Variants in DNAAF9 observed in about 807,000 individuals in gnomAD.
DNAAF9 encodes the protein shulin.
A neutral mutation model predicts 167.0 loss-of-function variants in DNAAF9; 90 were observed. The observed-to-expected ratio is 0.54, with a 90% CI of 0.45 to 0.64. DNAAF9 has a LOEUF of 0.64. DNAAF9 is among the 30% of genes least tolerant of loss of function. The probability of loss-of-function intolerance (pLI) is 0.00; values close to 1 mark genes in which losing one functional copy is unlikely to be tolerated. For missense variants in DNAAF9, 1,315 were observed against 1,442.2 expected, an observed-to-expected ratio of 0.91 and a Z score of 1.43; for synonymous variants, 491 against 508.8, an observed-to-expected ratio of 0.96 and a Z score of 0.47.
intron 6 of DNAAF9, among the ~76,000 whole-genome samples, chr20:3,368,392 T>C (rs2083458278): frequency 6.6e-6 from 1 of 152,256 alleles, no homozygotes; most frequent in East Asian, 1.9e-4. Context: ...TGTTTTTGTT[T>C]TGGGGGGCTT....
At chr20:3,303,829 C>T (rs1403239920) in intron 21 of DNAAF9, among the ~76,000 whole-genome samples, 3 of 152,256 alleles carry the variant, frequency 2.0e-5, no homozygotes, top group Non-Finnish European at 4.4e-5. Context: ...CCATAGCTAC[C>T]ATCTTCCCCT....
intron 14 of DNAAF9, 87 bp from the exon 15 acceptor site, chr20:3,322,783 G>A (rs780908913): frequency 1.1e-6 from 1 of 927,080 alleles, no homozygotes; most frequent in Non-Finnish European, 1.8e-6. Context: ...GGATTCTCAA[G>A]GCCACACAGT....
chr20:3,360,758 C>G (rs1247737234), intron 6 of DNAAF9, among the ~76,000 whole-genome samples: 4 of 152,184 alleles, frequency 2.6e-5, no homozygotes, highest in Non-Finnish European at 5.9e-5. Flanking sequence ...CAATGGATTG[C>G]AAGGATGACC....
intron 23 of DNAAF9, chr20:3,296,175 G>A (rs2069073752): frequency 1.7e-6 from 1 of 575,360 alleles, no homozygotes; most frequent in Non-Finnish European, 3.4e-6. Context: ...CCTGCTAAGC[G>A]GGAGGATAAC....
intron 30 of DNAAF9, among the ~76,000 whole-genome samples, chr20:3,268,758 T>C (rs1330179935): frequency 6.6e-6 from 1 of 152,188 alleles, no homozygotes; most frequent in Non-Finnish European, 1.5e-5. Context: ...TTTATCTGAA[T>C]TGAGCAAACA....
At chr20:3,362,676 A>C (rs1171922655) in intron 6 of DNAAF9, among the ~76,000 whole-genome samples, 2 of 152,162 alleles carry the variant, frequency 1.3e-5, no homozygotes, top group African/African-American at 4.8e-5. Flanking sequence ...TCCAAATGCA[A>C]ACCAAAAATA....
intron 29 of DNAAF9, among the ~76,000 whole-genome samples, chr20:3,274,523 C>T (rs1214986498): frequency 6.6e-6 from 1 of 152,120 alleles, no homozygotes; most frequent in Non-Finnish European, 1.5e-5. Context: ...GCCAGGTGAA[C>T]CTGAGTTTGA....
chr20:3,346,763 G>A (rs1023829687), intron 8 of DNAAF9, among the ~76,000 whole-genome samples: 2 of 152,054 alleles, frequency 1.3e-5, no homozygotes, highest in African/African-American at 4.8e-5. Context: ...AACAGGAAAC[G>A]ACAGTGACAC....
intron 20 of DNAAF9, among the ~76,000 whole-genome samples, chr20:3,313,837 T>C (rs2207995): frequency 0.25 from 37,976 of 151,912 alleles, 5,346 homozygotes; most frequent in African/African-American, 0.37. Context: ...AGCTATAAGC[T>C]CAGAGGGTGG....
intron 7 of DNAAF9, among the ~76,000 whole-genome samples, chr20:3,348,842 G>A (rs1176452286): frequency 6.6e-6 from 1 of 152,110 alleles, no homozygotes; most frequent in Non-Finnish European, 1.5e-5. Flanking sequence ...CACCTGATAT[G>A]TGGTCCAGTC....
At chr20:3,371,426 C>A (rs2083507915) in intron 6 of DNAAF9, among the ~76,000 whole-genome samples, 1 of 148,756 alleles carries the variant, frequency 6.7e-6, no homozygotes, top group African/African-American at 2.5e-5. Context: ...TCACTGCAAG[C>A]TCCGCCTCCC....
chr20:3,372,799 T>C (rs1445893653), intron 6 of DNAAF9, among the ~76,000 whole-genome samples: 2 of 97,286 alleles, frequency 2.1e-5, no homozygotes, highest in African/African-American at 4.5e-5. Context: ...TTACTATACC[T>C]ACCTCAGAGG....
intron 8 of DNAAF9, among the ~76,000 whole-genome samples, 154 bp from the exon 9 acceptor site, chr20:3,343,885 CAG>C (rs1270976928): frequency 6.6e-6 from 1 of 151,382 alleles, no homozygotes; most frequent in African/African-American, 2.4e-5. Flanking sequence ...GTGTGTGTGA[CAG>C]AGAGAGCTAC....
chr20:3,370,865 C>T (rs1303089511), intron 6 of DNAAF9, among the ~76,000 whole-genome samples: 1 of 152,172 alleles, frequency 6.6e-6, no homozygotes, highest in Non-Finnish European at 1.5e-5. Flanking sequence ...AAAACCTCCA[C>T]CCAAATCTCT....
chr20:3,405,012 A>C (rs1177572343), intron 1 of DNAAF9, among the ~76,000 whole-genome samples: 1 of 152,232 alleles, frequency 6.6e-6, no homozygotes, highest in Non-Finnish European at 1.5e-5. Flanking sequence ...TGACAGAAGG[A>C]AAGAGAATGG....
At chr20:3,394,837 C>T (rs1162238912) in intron 1 of DNAAF9, among the ~76,000 whole-genome samples, 4 of 151,622 alleles carry the variant, frequency 2.6e-5, no homozygotes, top group Admixed American at 2.0e-4. Flanking sequence ...TTAAGGTATG[C>T]TAGCTAGCAC....
intron 1 of DNAAF9, among the ~76,000 whole-genome samples, chr20:3,397,368 G>A (rs2083924443): frequency 1.3e-5 from 2 of 151,620 alleles, no homozygotes; most frequent in South Asian, 4.2e-4. Flanking sequence ...ACCCAGGCTG[G>A]AGTGCAGTGG....
intron 20 of DNAAF9, among the ~76,000 whole-genome samples, chr20:3,309,807 A>G (rs2069369229): frequency 6.6e-6 from 1 of 152,230 alleles, no homozygotes; most frequent in African/African-American, 2.4e-5. Context: ...TATTCATGAA[A>G]AAGCATCAGA....
chr20:3,289,499 C>G (rs1164421937), intron 26 of DNAAF9, among the ~76,000 whole-genome samples: 1 of 152,004 alleles, frequency 6.6e-6, no homozygotes, highest in South Asian at 2.1e-4. Flanking sequence ...TTCCTATAAC[C>G]TTCCCTGCTT....
Sources: gnomAD v4.1 joint callset for allele counts (sites outside exome capture counted in the v4.1 genomes callset) on GRCh38, gnomAD v4.1.1 for gene constraint, MANE v1.5 for transcripts, NCBI Gene and HGNC (gene_info 2026-07-23, HGNC 2026-07-21) for gene names.